MAGI2: variants seen among roughly 807,000 people sequenced by gnomAD.
The protein encoded by MAGI2 is membrane-associated guanylate kinase, WW and PDZ domain-containing protein 2.
In MAGI2, 35 loss-of-function variants were observed where a neutral mutation model predicts 133.3. The observed-to-expected ratio is 0.26, with a 90% CI of 0.20 to 0.35. MAGI2 has a LOEUF of 0.35. MAGI2 is among the 10% of genes least tolerant of loss of function. The probability of loss-of-function intolerance (pLI) is 1.00; values close to 1 mark genes in which losing one functional copy is unlikely to be tolerated. For missense variants in MAGI2, 1,636 were observed against 1,863.4 expected, an observed-to-expected ratio of 0.88 and a Z score of 2.25; for synonymous variants, 729 against 710.6, an observed-to-expected ratio of 1.03 and a Z score of -0.41.
chr7:78,353,776 A>G (rs1043349552), intron 7 of MAGI2, among the ~76,000 whole-genome samples: 1 of 152,180 alleles, frequency 6.6e-6, no homozygotes, highest in Non-Finnish European at 1.5e-5. Flanking sequence ...CCTAGAGTAC[A>G]AGGCTAGTGC....
At chr7:79,068,445 T>C (rs1814601454) in intron 1 of MAGI2, among the ~76,000 whole-genome samples, 1 of 152,172 alleles carries the variant, frequency 6.6e-6, no homozygotes, top group Non-Finnish European at 1.5e-5. Flanking sequence ...GATATCCCCT[T>C]TACCATTTTT....
intron 1 of MAGI2, among the ~76,000 whole-genome samples, chr7:79,406,069 A>C (rs1382136759): frequency 6.6e-6 from 1 of 152,104 alleles, no homozygotes; most frequent in Non-Finnish European, 1.5e-5. Context: ...ATATTTAAGA[A>C]TTTTACAAAG....
At chr7:78,459,840 A>T (rs1225615737) in intron 6 of MAGI2, among the ~76,000 whole-genome samples, 1 of 152,230 alleles carries the variant, frequency 6.6e-6, no homozygotes, top group African/African-American at 2.4e-5. Context: ...CATTTATTTA[A>T]GCTGACAAGA....
At chr7:79,104,881 G>A (rs905456349) in intron 1 of MAGI2, among the ~76,000 whole-genome samples, 5 of 152,196 alleles carry the variant, frequency 3.3e-5, no homozygotes, top group South Asian at 2.1e-4. Context: ...AAGCTCTCAC[G>A]CCTGTTTGGT....
chr7:78,180,431 A>T (rs920706274), intron 13 of MAGI2, among the ~76,000 whole-genome samples: 2 of 152,184 alleles, frequency 1.3e-5, no homozygotes, highest in African/African-American at 4.8e-5. Context: ...AGGCACAAGA[A>T]GTTTGTCTTT....
chr7:78,625,930 A>G (rs1808294591), intron 3 of MAGI2, among the ~76,000 whole-genome samples: 1 of 152,176 alleles, frequency 6.6e-6, no homozygotes, highest in Non-Finnish European at 1.5e-5. Context: ...TTGTGTAGGT[A>G]CATTCTATGA....
chr7:78,546,015 A>G (rs373296927), intron 3 of MAGI2, among the ~76,000 whole-genome samples: 1 of 152,198 alleles, frequency 6.6e-6, no homozygotes, highest in Non-Finnish European at 1.5e-5. Flanking sequence ...TTATCACCCT[A>G]TTCAAATTAT....
At chr7:79,299,695 A>G (rs4727840) in intron 1 of MAGI2, among the ~76,000 whole-genome samples, 141,551 of 151,994 alleles carry the variant, frequency 0.93, 66,274 homozygotes, top group Non-Finnish European at 0.98. Context: ...ACGATAATTG[A>G]TCAGTGATAT....
intron 1 of MAGI2, among the ~76,000 whole-genome samples, chr7:79,208,284 T>A (rs937741654): frequency 1.3e-5 from 2 of 151,750 alleles, no homozygotes; most frequent in African/African-American, 4.9e-5. Context: ...AAAATATACA[T>A]CTGATAAGGG....
chr7:78,140,183 A>T (rs966618110), intron 16 of MAGI2, among the ~76,000 whole-genome samples: 5 of 152,226 alleles, frequency 3.3e-5, no homozygotes, highest in African/African-American at 1.2e-4. Context: ...GTCAGTCCCC[A>T]TAAAGAAGAC....
At chr7:78,481,347 T>C (rs1052659271) in intron 6 of MAGI2, among the ~76,000 whole-genome samples, 3 of 151,868 alleles carry the variant, frequency 2.0e-5, no homozygotes, top group Admixed American at 1.3e-4. Flanking sequence ...AACTACCATT[T>C]ATAAAACCAT....
chr7:78,785,385 T>C (rs1377383575), intron 2 of MAGI2, among the ~76,000 whole-genome samples: 3 of 152,236 alleles, frequency 2.0e-5, no homozygotes, highest in African/African-American at 7.2e-5. Flanking sequence ...AGTACAAAAC[T>C]GTGTAAGTAT....
intron 1 of MAGI2, among the ~76,000 whole-genome samples, chr7:79,115,971 C>A (rs1247017358): frequency 6.7e-6 from 1 of 148,212 alleles, no homozygotes; most frequent in South Asian, 2.2e-4. Context: ...TTCAGACTCT[C>A]CTATCCCAAA....
At chr7:78,308,335 G>C (rs902757087) in intron 9 of MAGI2, among the ~76,000 whole-genome samples, 1 of 152,202 alleles carries the variant, frequency 6.6e-6, no homozygotes, top group Non-Finnish European at 1.5e-5. Context: ...ACTAGGAAGA[G>C]AGACCAATGT....
chr7:79,018,527 GATCAAATCCACACAT>G (rs1562793282), intron 1 of MAGI2, among the ~76,000 whole-genome samples: 1 of 152,108 alleles, frequency 6.6e-6, no homozygotes, highest in Non-Finnish European at 1.5e-5. Flanking sequence ...CTGATGACAG[GATCAAATCCACACAT>G]ATCAACACTA....
At chr7:79,442,330 G>C (rs1585997863) in intron 1 of MAGI2, among the ~76,000 whole-genome samples, 1 of 152,088 alleles carries the variant, frequency 6.6e-6, no homozygotes, top group African/African-American at 2.4e-5. Context: ...AGCTTGATTT[G>C]TCACACATGG....
chr7:79,006,593 T>C (rs1250906016), intron 2 of MAGI2: 5 of 152,312 alleles, frequency 3.3e-5, no homozygotes, highest in Admixed American at 3.3e-4. Context: ...GCATCATTGC[T>C]TTCTAAGACT....
intron 11 of MAGI2, among the ~76,000 whole-genome samples, chr7:78,195,488 C>T (rs2150740651): frequency 6.6e-6 from 1 of 152,338 alleles, no homozygotes; most frequent in South Asian, 2.1e-4. Flanking sequence ...GCAGAAGATA[C>T]AGTCGTCTGC....
intron 2 of MAGI2, among the ~76,000 whole-genome samples, chr7:78,975,434 A>G (rs1460815122): frequency 2.6e-5 from 4 of 151,780 alleles, no homozygotes; most frequent in Admixed American, 2.0e-4. Flanking sequence ...ATATGTGTCC[A>G]AAGAAGAAGT....
Sources: gnomAD v4.1 joint callset for allele counts (sites outside exome capture counted in the v4.1 genomes callset) on GRCh38, gnomAD v4.1.1 for gene constraint, MANE v1.5 for transcripts, NCBI Gene and HGNC (gene_info 2026-07-23, HGNC 2026-07-21) for gene names.